The following GRAMD4 variants were observed in gnomAD, a reference collection of about 807,000 sequenced individuals.
GRAMD4 encodes the protein GRAM domain-containing protein 4.
A neutral mutation model predicts 83.9 loss-of-function variants in GRAMD4; 25 were observed. The ratio of observed to expected loss-of-function variants is 0.30; its 90% CI spans 0.22 to 0.42. The LOEUF is 0.42. Among genes scored for constraint, GRAMD4 ranks in the 10% least tolerant of loss-of-function variants. The pLI is 1.00. For synonymous variants in GRAMD4, 336 were observed against 320.9 expected (o/e 1.05, Z -0.50); for missense variants, 593 against 788.7 (o/e 0.75, Z 2.97).
chr22:46,599,074 A>T (rs1026977655), intron 1 of GRAMD4, among the ~76,000 whole-genome samples: 3 of 152,118 alleles, frequency 2.0e-5, no homozygotes, highest in African/African-American at 7.2e-5. Context: ...CGTGACAGAG[A>T]TGGAGGATCA....
chr22:46,591,686 A>C (rs2081209157), intron 1 of GRAMD4, among the ~76,000 whole-genome samples: 1 of 151,922 alleles, frequency 6.6e-6, no homozygotes, highest in Non-Finnish European at 1.5e-5. Context: ...AATAAAAATT[A>C]GCCGGGTGTG....
chr22:46,634,282 C>T (rs1156547237), intron 2 of GRAMD4, among the ~76,000 whole-genome samples: 1 of 152,222 alleles, frequency 6.6e-6, no homozygotes, highest in East Asian at 1.9e-4. Context: ...TCTGACCTTG[C>T]CTTGCAACCG....
intron 1 of GRAMD4, among the ~76,000 whole-genome samples, chr22:46,597,044 T>G (rs768167529): frequency 2.6e-5 from 4 of 152,138 alleles, no homozygotes; most frequent in Non-Finnish European, 5.9e-5. Context: ...AAACCAGGTC[T>G]CCACGCCTGC....
upstream of GRAMD4, among the ~76,000 whole-genome samples, chr22:46,576,784 A>G (rs1381460469): frequency 5.2e-4 from 2 of 3,874 alleles, no homozygotes; most frequent in East Asian, 0.062. Context: ...CACAGCAGCG[A>G]GCGTGCTCCC....
intron 1 of GRAMD4, among the ~76,000 whole-genome samples, chr22:46,598,469 T>G (rs1328682517): frequency 6.6e-6 from 1 of 152,156 alleles, no homozygotes; most frequent in East Asian, 1.9e-4. Context: ...TGTAAGACCT[T>G]GTCTAGGATG....
chr22:46,678,802 C>T lies in GRAMD4; in HGVS notation c.*1551C>T, dbSNP rs532293119. 6 of 986,266 alleles carry T rather than the reference C, an allele frequency of 6.1e-6. No individual in the cohort carries two copies. The South Asian group carries it at 2.3e-4, about 39-fold the overall frequency. 61.1% of individuals were successfully genotyped at this position (986,266 alleles called of 1,614,324 possible). ...GTTTCACCCCCTTCACGAGGGGCCG[C>T]AGAGTCACACGCTGGTGCCGGGGGT... On this transcript the variant is annotated 3_prime_UTR_variant, in exon 19 of 19. Transcript: ENST00000406902.
intron 3 of GRAMD4, among the ~76,000 whole-genome samples, chr22:46,656,008 A>G (rs2082238902): frequency 6.6e-6 from 1 of 152,026 alleles, no homozygotes; most frequent in East Asian, 1.9e-4. Context: ...GGAGGGAACC[A>G]GCCTGATGAG....
At chr22:46,580,550 G>A (rs1371654144) in intron 1 of GRAMD4, among the ~76,000 whole-genome samples, 1 of 152,244 alleles carries the variant, frequency 6.6e-6, no homozygotes, top group Non-Finnish European at 1.5e-5. Context: ...AGCCCAGCGG[G>A]TGGGGCCCAG....
chr22:46,585,390 A>G (rs1391878393), intron 1 of GRAMD4, among the ~76,000 whole-genome samples: 1 of 152,048 alleles, frequency 6.6e-6, no homozygotes, highest in Non-Finnish European at 1.5e-5. Flanking sequence ...GAGTTTCTCC[A>G]TGTTGGTCAG....
chr22:46,643,524 T>C (rs2082021915), intron 3 of GRAMD4, among the ~76,000 whole-genome samples: 1 of 152,252 alleles, frequency 6.6e-6, no homozygotes, highest in African/African-American at 2.4e-5. Context: ...GATACAATGC[T>C]ATTATTATCT....
intron 3 of GRAMD4, among the ~76,000 whole-genome samples, chr22:46,638,517 G>A (rs1446702689): frequency 6.6e-6 from 1 of 152,176 alleles, no homozygotes; most frequent in Non-Finnish European, 1.5e-5. Flanking sequence ...TTACAGGAGG[G>A]GCTCGCAGGC....
chr22:46,665,783 G>A (rs976189296), intron 9 of GRAMD4, 77 bp downstream of exon 9: 17 of 820,624 alleles, frequency 2.1e-5, no homozygotes, highest in African/African-American at 1.0e-4. Flanking sequence ...TCTCACAACC[G>A]TGACCCCAGC....
upstream of GRAMD4, among the ~76,000 whole-genome samples, chr22:46,616,970 C>T (rs2081509758): frequency 6.9e-6 from 1 of 145,490 alleles, no homozygotes; most frequent in Non-Finnish European, 1.5e-5. Flanking sequence ...GTAGGTTCCC[C>T]TGTGCGTGTA....
chr22:46,594,604 T>A (rs938936839), intron 1 of GRAMD4, among the ~76,000 whole-genome samples: 1 of 151,594 alleles, frequency 6.6e-6, no homozygotes, highest in African/African-American at 2.4e-5. Flanking sequence ...TTAGGTGTTT[T>A]AGGAGGCTTT....
Position 46,663,166 on chromosome 22 carries a change from C to T in GRAMD4, c.593C>T (p.Ala198Val). ...GTGGAGACAGAGGAACCCCTGAGCG[C>T]CCGCAGGTAGGGGTTCGCCGAGCTG... ...NTVETEEPLS[A>V]RRLTENMRRL... is the part of the protein sequence containing the mutation. Residue 198 changes from alanine to valine, a missense_variant, in exon 6 of 19, where the codon GCC becomes GTC. Physicochemically the swap from Ala to Val is moderately conservative, Grantham distance 64 (BLOSUM62 0). Transcript: ENST00000406902. The T allele has an allele frequency of 6.2e-7, 1 of 1,611,064 alleles. No homozygotes were observed. Among genetic ancestry groups the T allele is most frequent in the Non-Finnish European group, 8.5e-7 (1 of 1,178,742 alleles).
chr22:46,674,545 A>C, intron 15 of GRAMD4, 112 bp from the exon 16 acceptor site: 1 of 806,956 alleles, frequency 1.2e-6, no homozygotes, highest in South Asian at 1.4e-5. Flanking sequence ...GTGTGACGTG[A>C]GCGCGGTGGG....
chr22:46,665,537 G>A (rs2082394714), intron 8 of GRAMD4, 78 bp from the exon 9 acceptor site: 2 of 780,822 alleles, frequency 2.6e-6, no homozygotes, highest in Non-Finnish European at 2.2e-6. Context: ...GGGCCGCCTG[G>A]TGGGGGGAGG....
intron 1 of GRAMD4, among the ~76,000 whole-genome samples, chr22:46,626,316 C>T (rs751513378): frequency 2.0e-5 from 3 of 152,252 alleles, no homozygotes; most frequent in Non-Finnish European, 4.4e-5. Context: ...AACCTTTTGG[C>T]ATGGCTGGCC....
chr22:46,620,852 C>T lies in GRAMD4; in HGVS notation c.-50+287C>T, dbSNP rs997417740. ...AGGGCCGGCAAGAGGAGGAGCCTCC[C>T]AGGAAGCCCCTCAGAACCTGACAGG... On this transcript the variant is annotated intron_variant, in intron 1 of 18. Coordinates refer to ENST00000406902, the MANE Select transcript of GRAMD4 (RefSeq NM_015124.5). This position sits in a 1 kb window ranked among gnomAD's most constrained non-coding sequence, Gnocchi z 4.7. Among the ~76,000 whole-genome samples the T allele has an allele frequency of 1.3e-5, 2 of 152,106 alleles. No homozygotes were observed. The highest frequency in any genetic ancestry group is 1.9e-4 in the East Asian group (1 of 5,182).
Sources: allele counts gnomAD v4.1 joint callset (sites outside exome capture counted in the v4.1 genomes callset), GRCh38; gene constraint gnomAD v4.1.1; non-coding constraint Gnocchi (gnomAD v3.1); transcripts MANE v1.5; gene names NCBI Gene and HGNC (gene_info 2026-07-23, HGNC 2026-07-21).